ASB18: variants seen among roughly 807,000 people sequenced by gnomAD.
ASB18 encodes ankyrin repeat and SOCS box containing 18.
A neutral mutation model predicts 33.4 loss-of-function variants in ASB18; 33 were observed. That is an observed-to-expected ratio of 0.99 (90% CI 0.75 to 1.32). The LOEUF (loss-of-function observed/expected upper bound fraction) is 1.32. Among genes scored for constraint, ASB18 ranks in the 40% most tolerant of loss-of-function variants. ASB18 has a pLI of 0.00. For missense variants in ASB18, 694 were observed against 655.5 expected (o/e 1.06, Z -0.64); for synonymous variants, 295 against 307.6 (o/e 0.96, Z 0.43).
chr2:236,194,284 C>G lies in ASB18; in HGVS notation c.*588G>C, dbSNP rs772064391. The stretch of plus-strand genomic sequence containing the variant: ...TTTATTCCTTGATCTAACCCACCAG[C>G]AGGACAACCACCATCACATACTGAT... On this transcript the variant is annotated 3_prime_UTR_variant, in exon 6 of 6. Transcript: ENST00000409749. The surrounding 1 kb of genome is among the most constrained non-coding windows in gnomAD (Gnocchi z 4.5). Among the ~76,000 whole-genome samples the G allele has an allele frequency of 6.6e-6, 1 of 152,182 alleles. No homozygotes were observed. The highest frequency in any genetic ancestry group is 1.5e-5 in the Non-Finnish European group (1 of 68,034).
At position 236,213,092 on chromosome 2, in the gene ASB18, T is replaced by C. The variant is rs1240752196; in HGVS notation, c.1101+1270A>G. On this transcript the variant is annotated intron_variant, in intron 4 of 5. Coordinates refer to ENST00000409749, the MANE Select transcript of ASB18 (RefSeq NM_212556.4). The surrounding 1 kb of genome is among the most constrained non-coding windows in gnomAD (Gnocchi z 4.8). ...GAAACATTAAAATGTAAATTATAAATATAAAAGGTAGCTGTCACAGAACAT... is the reference window on the plus strand; with the variant it reads ...GAAACATTAAAATGTAAATTATAAACATAAAAGGTAGCTGTCACAGAACAT... Among the ~76,000 whole-genome samples, 1 of 152,208 alleles carries C rather than the reference T, an allele frequency of 6.6e-6. No homozygotes were observed. Among genetic ancestry groups the C allele is most frequent in the African/African-American group, 2.4e-5 (1 of 41,446 alleles).
chr2:236,230,770 A>G (rs1291650205), intron 3 of ASB18, among the ~76,000 whole-genome samples: 1 of 151,874 alleles, frequency 6.6e-6, no homozygotes. Context: ...AATCATTAAA[A>G]ATGTTCAGAA....
rs1179356158 is a variant in ASB18 at position 236,234,741 on chromosome 2, ATAAATAAAAAAGCTT to A, written c.596+2933_596+2947del. 6.6e-6 allele frequency among the ~76,000 whole-genome samples: 1 copy of A among 152,252 alleles called. No homozygotes were observed. The highest frequency in any genetic ancestry group is 1.5e-5 in the Non-Finnish European group (1 of 68,048). ...AACTGTCAGATATCCACATGCAAAAATAAATAAAAAAGCTTCAATCCCTACCTCACATCATATTCA... is the reference window on the plus strand; with the variant it reads ...AACTGTCAGATATCCACATGCAAAAACAATCCCTACCTCACATCATATTCA... On this transcript the variant is annotated intron_variant, in intron 3 of 5. Transcript: ENST00000409749. This position sits in a 1 kb window ranked among gnomAD's most constrained non-coding sequence, Gnocchi z 4.1.
At chr2:236,258,562 G>A (rs924236303) in intron 1 of ASB18, among the ~76,000 whole-genome samples, 1 of 152,200 alleles carries the variant, frequency 6.6e-6, no homozygotes, top group Non-Finnish European at 1.5e-5. Context: ...TTAATTTAGA[G>A]TCAGCCGTTT....
Position 236,213,247 on chromosome 2 carries a change from G to A in ASB18, c.1101+1115C>T, listed in dbSNP as rs1469517786. Among the ~76,000 whole-genome samples the A allele has an allele frequency of 6.6e-6, 1 of 151,964 alleles. No homozygotes were observed. Among genetic ancestry groups the A allele is most frequent in the Non-Finnish European group, 1.5e-5 (1 of 67,988 alleles). On this transcript the variant is annotated intron_variant, in intron 4 of 5. Transcript: ENST00000409749. This position sits in a 1 kb window ranked among gnomAD's most constrained non-coding sequence, Gnocchi z 4.8. ...GGGAAAGTGCCATCCTGTTTGTCAA[G>A]TGAGCAAACACTAGGGGAGTTGTCT...
At position 236,249,534 on chromosome 2, in the gene ASB18, A is replaced by G. The variant is rs2060659940; in HGVS notation, c.206-8132T>C. ...GCACTGCTAGGGCCCATGGGGTTTC[A>G]ACGTCTATTCCAGGGTGTTGGTCAA... On this transcript the variant is annotated intron_variant, in intron 1 of 5. Coordinates refer to ENST00000409749, the MANE Select transcript of ASB18 (RefSeq NM_212556.4). The surrounding 1 kb of genome is among the most constrained non-coding windows in gnomAD (Gnocchi z 4.6). The G allele has an allele frequency of 6.6e-6, 1 of 152,118 alleles. No individual in the cohort carries two copies. Among genetic ancestry groups the G allele is most frequent in the South Asian group, 2.1e-4 (1 of 4,820 alleles). The allele number at this position is 152,118 out of a possible 1,614,324, so 9.4% of individuals were successfully genotyped here.
chr2:236,214,353 C>G lies in ASB18; in HGVS notation c.1101+9G>C, dbSNP rs931990651. 4 of 1,568,832 alleles carry G rather than the reference C, an allele frequency of 2.5e-6. No individual in the cohort carries two copies. Among genetic ancestry groups the G allele is most frequent in the Non-Finnish European group, 2.6e-6 (3 of 1,161,016 alleles). ...GGGCACGTGCCAGCCGGGCTGGATC[C>G]TGCCTTACCTTGGGGAAGGCGTCGG... On this transcript the variant is annotated intron_variant, in intron 4 of 5. Coordinates refer to ENST00000409749, the MANE Select transcript of ASB18 (RefSeq NM_212556.4). The surrounding 1 kb of genome is among the most constrained non-coding windows in gnomAD (Gnocchi z 6.5).
At chr2:236,247,892 T>A (rs972366058) in intron 1 of ASB18, 21 of 152,278 alleles carry the variant, frequency 1.4e-4, no homozygotes, top group Admixed American at 2.6e-4. Flanking sequence ...CTGGGCAAGA[T>A]CCCTACATGG....
At position 236,214,311 on chromosome 2, in the gene ASB18, T is replaced by C; in HGVS notation, c.1101+51A>G. On this transcript the variant is annotated intron_variant, in intron 4 of 5. Coordinates refer to ENST00000409749, the MANE Select transcript of ASB18 (RefSeq NM_212556.4). The surrounding 1 kb of genome is among the most constrained non-coding windows in gnomAD (Gnocchi z 6.5). ...GCAACCCAGCTCCCAGGCCGGTCAC[T>C]AAGTGGCAAAACTCCAGGGCACGTG... 6.5e-7 allele frequency: 1 copy of C among 1,533,114 alleles called. No homozygotes were observed. The highest frequency in any genetic ancestry group is 8.8e-7 in the Non-Finnish European group (1 of 1,142,406). The allele number at this position is 1,533,114 out of a possible 1,614,324, so 95.0% of individuals were successfully genotyped here.
Position 236,245,328 on chromosome 2 carries a change from C to A in ASB18, c.206-3926G>T, listed in dbSNP as rs186751738. On this transcript the variant is annotated intron_variant, in intron 1 of 5. Coordinates refer to ENST00000409749, the MANE Select transcript of ASB18 (RefSeq NM_212556.4). The surrounding 1 kb of genome is among the most constrained non-coding windows in gnomAD (Gnocchi z 4.7). ...CCCTGCAGGTTGATACCCTTGATGTCATTTGCAGGTGAGGAAACTGGGACT... is the reference window on the plus strand; with the variant it reads ...CCCTGCAGGTTGATACCCTTGATGTAATTTGCAGGTGAGGAAACTGGGACT... Among the ~76,000 whole-genome samples the A allele has an allele frequency of 2.6e-5, 4 of 152,230 alleles. No individual in the cohort carries two copies. The highest frequency in any genetic ancestry group is 4.1e-4 in the South Asian group (2 of 4,826).
chr2:236,234,627 A>C lies in ASB18; in HGVS notation c.596+3062T>G, dbSNP rs2060580546. Among the ~76,000 whole-genome samples, 1 of 152,238 alleles carries C rather than the reference A, an allele frequency of 6.6e-6. No individual in the cohort carries two copies. The highest frequency in any genetic ancestry group is 1.5e-5 in the Non-Finnish European group (1 of 68,036). On this transcript the variant is annotated intron_variant, in intron 3 of 5. Transcript: ENST00000409749. The surrounding 1 kb of genome is among the most constrained non-coding windows in gnomAD (Gnocchi z 4.1). ...AAATAAACTCACGCATATATAGTCC[A>C]TTCATTTTTGACAAAGGTGCAAAGA...
intron 3 of ASB18, among the ~76,000 whole-genome samples, chr2:236,236,225 C>G (rs1422867041): frequency 6.6e-6 from 1 of 152,188 alleles, no homozygotes; most frequent in Non-Finnish European, 1.5e-5. Flanking sequence ...GAACTACGGA[C>G]ACACACAGCA....
At position 236,245,891 on chromosome 2, in the gene ASB18, A is replaced by G. The variant is rs2060642743; in HGVS notation, c.206-4489T>C. Among the ~76,000 whole-genome samples, 2 of 152,174 alleles carry G rather than the reference A, an allele frequency of 1.3e-5. No homozygotes were observed. Among genetic ancestry groups the G allele is most frequent in the African/African-American group, 2.4e-5 (1 of 41,442 alleles). On this transcript the variant is annotated intron_variant, in intron 1 of 5. Coordinates refer to ENST00000409749, the MANE Select transcript of ASB18 (RefSeq NM_212556.4). This position sits in a 1 kb window ranked among gnomAD's most constrained non-coding sequence, Gnocchi z 4.7. ...AAGCTCCTCAGTGGTTCTTGCTCTT[A>G]TTCTTGGCCATCTGTTGCCTTTCAC...
chr2:236,236,084 T>C (rs1462043295), intron 3 of ASB18, among the ~76,000 whole-genome samples: 2 of 152,134 alleles, frequency 1.3e-5, no homozygotes, highest in African/African-American at 4.8e-5. Flanking sequence ...GGCACACAAA[T>C]GTGCATGATA....
intron 4 of ASB18, among the ~76,000 whole-genome samples, chr2:236,201,965 T>TC (rs1268473686): frequency 1.3e-5 from 2 of 152,058 alleles, no homozygotes; most frequent in Non-Finnish European, 2.9e-5. Context: ...TAATTTTTTT[T>TC]TTGAGACAGA....
chr2:236,263,736 T>C lies in ASB18; in HGVS notation c.205+405A>G, dbSNP rs775910459. 6.6e-6 allele frequency among the ~76,000 whole-genome samples: 1 copy of C among 152,126 alleles called. No homozygotes were observed. The highest frequency in any genetic ancestry group is 1.5e-5 in the Non-Finnish European group (1 of 68,018). On this transcript the variant is annotated intron_variant, in intron 1 of 5. Transcript: ENST00000409749. The surrounding 1 kb of genome is among the most constrained non-coding windows in gnomAD (Gnocchi z 4.0). ...TAGGCATTTGGTTTAAGTATTTCAG[T>C]AGGGGATTGAAATTGGGAAGACTAT...
Position 236,245,860 on chromosome 2 carries a change from A to G in ASB18, c.206-4458T>C, listed in dbSNP as rs1399057568. On this transcript the variant is annotated intron_variant, in intron 1 of 5. Coordinates refer to ENST00000409749, the MANE Select transcript of ASB18 (RefSeq NM_212556.4). This position sits in a 1 kb window ranked among gnomAD's most constrained non-coding sequence, Gnocchi z 4.7. ...GACTGGACTCTTTGAAACTTGCTCA[A>G]CATTAAAGCTCCTCAGTGGTTCTTG... is the stretch of plus-strand genomic sequence containing the variant. Among the ~76,000 whole-genome samples the G allele has an allele frequency of 6.6e-6, 1 of 152,188 alleles. No homozygotes were observed. Among genetic ancestry groups the G allele is most frequent in the African/African-American group, 2.4e-5 (1 of 41,448 alleles).
rs957204386 is a variant in ASB18, at chr2:236,256,762, G to C, written c.205+7379C>G. 1.3e-5 allele frequency among the ~76,000 whole-genome samples: 2 copies of C among 152,072 alleles called. No homozygotes were observed. The highest frequency in any genetic ancestry group is 2.1e-4 in the South Asian group (1 of 4,812). ...CCACAGGCAGTGACAGTTCATACTTGGGGGGAGCTGAGACGCGACCCTGTA... is the reference window on the plus strand; with the variant it reads ...CCACAGGCAGTGACAGTTCATACTTCGGGGGAGCTGAGACGCGACCCTGTA... On this transcript the variant is annotated intron_variant, in intron 1 of 5. Coordinates refer to ENST00000409749, the MANE Select transcript of ASB18 (RefSeq NM_212556.4). This position sits in a 1 kb window ranked among gnomAD's most constrained non-coding sequence, Gnocchi z 4.7.
At position 236,241,376 on chromosome 2, in the gene ASB18, T is replaced by C. The variant is rs368156812; in HGVS notation, c.232A>G (p.Met78Val). Residue 78 changes from methionine (M) to valine (V), a missense_variant, in exon 2 of 6, where the codon ATG becomes GTG. By Grantham distance (21) the Met-to-Val change is conservative. Coordinates refer to ENST00000409749, the MANE Select transcript of ASB18 (RefSeq NM_212556.4). The surrounding 1 kb of genome is among the most constrained non-coding windows in gnomAD (Gnocchi z 4.2). The part of the protein sequence containing the change: ...LGDLDHLKPL[M>V]DQFFQDANVV... ...TTGGCATCCTGGAAGAACTGGTCCA[T>C]GAGGGGCTTCAGATGGTCGAGGTCC... 6.2e-7 allele frequency: 1 copy of C among 1,614,016 alleles called. No individual in the cohort carries two copies. The highest frequency in any genetic ancestry group is 8.5e-7 in the Non-Finnish European group (1 of 1,179,890).
Sources: gnomAD v4.1 joint callset for allele counts (sites outside exome capture counted in the v4.1 genomes callset) on GRCh38, gnomAD v4.1.1 for gene constraint, Gnocchi (gnomAD v3.1) non-coding constraint, MANE v1.5 for transcripts, NCBI Gene and HGNC (gene_info 2026-07-23, HGNC 2026-07-21) for gene names.